ADCY9: variants seen among roughly 807,000 people sequenced by gnomAD.
ADCY9 encodes the protein adenylate cyclase 9, also known as adenylate cyclase type 9.
A neutral mutation model predicts 101.5 loss-of-function variants in ADCY9; 50 were observed. The observed-to-expected ratio is 0.49, with a 90% CI of 0.39 to 0.62. The LOEUF is 0.62. Among genes scored for constraint, ADCY9 ranks in the 20% least tolerant of loss-of-function variants. The pLI, the probability that ADCY9 is intolerant of heterozygous loss-of-function variation, is 0.00. For missense variants in ADCY9, 1,662 were observed against 1,800.4 expected (o/e 0.92, Z 1.39); for synonymous variants, 905 against 769.3 (o/e 1.18, Z -2.92).
intron 2 of ADCY9, among the ~76,000 whole-genome samples, chr16:4,097,124 A>G (rs2057008339): frequency 1.3e-5 from 2 of 151,894 alleles, no homozygotes; most frequent in Admixed American, 1.3e-4. Context: ...TCAACCCCAC[A>G]TTTCCTGGGC....
At chr16:4,090,677 T>C (rs1193539876) in intron 2 of ADCY9, among the ~76,000 whole-genome samples, 1 of 151,970 alleles carries the variant, frequency 6.6e-6, no homozygotes, top group Non-Finnish European at 1.5e-5. Context: ...GTGGATTCAT[T>C]TGAACAAGGA....
chr16:4,069,831 C>T (rs941681255), intron 2 of ADCY9, among the ~76,000 whole-genome samples: 6 of 152,154 alleles, frequency 3.9e-5, no homozygotes, highest in African/African-American at 1.2e-4. Flanking sequence ...CATGGTGGCT[C>T]ACACTTGTAA....
intron 2 of ADCY9, among the ~76,000 whole-genome samples, chr16:4,014,690 C>T (rs2056426210): frequency 1.3e-5 from 2 of 151,976 alleles, no homozygotes; most frequent in South Asian, 2.1e-4. Context: ...TCAAATGATC[C>T]GCCTGCCTCT....
intron 2 of ADCY9, among the ~76,000 whole-genome samples, chr16:4,013,195 C>T (rs2056414830): frequency 6.6e-6 from 1 of 151,744 alleles, no homozygotes. Flanking sequence ...CTGCAGTGAG[C>T]TGTGAGTGCG....
intron 6 of ADCY9, chr16:3,984,146 C>T (rs1231127252): frequency 6.6e-6 from 1 of 152,238 alleles, no homozygotes; most frequent in Non-Finnish European, 1.5e-5. Flanking sequence ...TTCTCATAGA[C>T]ACATTATATA....
At chr16:4,094,024 A>G (rs929900997) in intron 2 of ADCY9, among the ~76,000 whole-genome samples, 3 of 152,178 alleles carry the variant, frequency 2.0e-5, no homozygotes, top group Admixed American at 2.0e-4. Flanking sequence ...GGCAGAAGGG[A>G]CAAAGTTGAT....
intron 9 of ADCY9, among the ~76,000 whole-genome samples, chr16:3,975,795 C>G (rs1404287808): frequency 1.3e-5 from 2 of 152,014 alleles, no homozygotes; most frequent in Admixed American, 1.3e-4. Flanking sequence ...AGGAAAAGCC[C>G]AATATTTGGG....
At chr16:4,076,884 T>C (rs1243940781) in intron 2 of ADCY9, among the ~76,000 whole-genome samples, 4 of 151,920 alleles carry the variant, frequency 2.6e-5, no homozygotes, top group African/African-American at 7.3e-5. Context: ...CGAGACCAGC[T>C]TGGCCAACAT....
intron 2 of ADCY9, among the ~76,000 whole-genome samples, chr16:4,033,554 C>G (rs2056570432): frequency 6.6e-6 from 1 of 151,986 alleles, no homozygotes; most frequent in Non-Finnish European, 1.5e-5. Flanking sequence ...CTGCCTCAGC[C>G]TCCTGAGTAG....
At chr16:4,024,318 T>A (rs533312777) in intron 2 of ADCY9, among the ~76,000 whole-genome samples, 1 of 152,176 alleles carries the variant, frequency 6.6e-6, no homozygotes, top group Admixed American at 6.5e-5. Context: ...ACTGCACCCA[T>A]CCAATTTTTT....
intron 2 of ADCY9, among the ~76,000 whole-genome samples, chr16:4,092,486 T>C (rs1328016922): frequency 1.3e-5 from 2 of 152,252 alleles, no homozygotes; most frequent in East Asian, 3.8e-4. Context: ...TAACTAGTTA[T>C]AGAATTGTTC....
intron 2 of ADCY9, among the ~76,000 whole-genome samples, chr16:4,067,879 G>A (rs950942166): frequency 6.6e-6 from 1 of 152,096 alleles, no homozygotes; most frequent in Non-Finnish European, 1.5e-5. Flanking sequence ...GAATCTTTTT[G>A]TGGTGACTGA....
At chr16:4,008,178 T>C (rs1046883966) in intron 2 of ADCY9, among the ~76,000 whole-genome samples, 2 of 151,574 alleles carry the variant, frequency 1.3e-5, no homozygotes, top group African/African-American at 4.8e-5. Flanking sequence ...ACATGCATTT[T>C]ATTGTCTCAC....
intron 6 of ADCY9, among the ~76,000 whole-genome samples, chr16:3,987,263 C>A (rs575038758): frequency 6.6e-6 from 1 of 152,346 alleles, no homozygotes; most frequent in South Asian, 2.1e-4. Flanking sequence ...CCCATCAGGC[C>A]ACGTCTTTCC....
chr16:4,029,419 A>G (rs948980180), intron 2 of ADCY9, among the ~76,000 whole-genome samples: 3 of 152,192 alleles, frequency 2.0e-5, no homozygotes, highest in Non-Finnish European at 4.4e-5. Flanking sequence ...ATAACTGACA[A>G]AGGGCTGGTA....
intron 5 of ADCY9, among the ~76,000 whole-genome samples, chr16:3,956,657 A>T (rs1042710029): frequency 8.6e-5 from 12 of 139,670 alleles, no homozygotes; most frequent in Admixed American, 2.2e-4. Flanking sequence ...CACCTGGCTA[A>T]TTTTTTTTTT....
At chr16:4,003,086 A>C (rs2056341888) in intron 3 of ADCY9, among the ~76,000 whole-genome samples, 1 of 152,098 alleles carries the variant, frequency 6.6e-6, no homozygotes, top group African/African-American at 2.4e-5. Context: ...AGATCCACTC[A>C]TCACCCACAG....
chr16:4,114,408 G>C lies in ADCY9; in HGVS notation c.1035C>G (p.Asp345Glu). The C allele has an allele frequency of 6.2e-7, 1 of 1,614,134 alleles. No homozygotes were observed. The highest frequency in any genetic ancestry group is 8.5e-7 in the Non-Finnish European group (1 of 1,180,046). ...TCTCCTCATCTCCCTGCTTCATTAA[G>C]TCATCGGCTATGATTCTTGGCATCA... Reference protein sequence around the residue: ...HSVMPRIIADDLMKQGDEESE... With the variant: ...HSVMPRIIADELMKQGDEESE... Residue 345 changes from aspartate (D) to glutamate (E), a missense_variant, in exon 2 of 11, where the codon GAC becomes GAG. Transcript: ENST00000294016. The surrounding 1 kb of genome is among the most constrained non-coding windows in gnomAD (Gnocchi z 4.3).
At chr16:4,001,104 T>G (rs1230460919) in intron 3 of ADCY9, among the ~76,000 whole-genome samples, 1 of 152,034 alleles carries the variant, frequency 6.6e-6, no homozygotes, top group African/African-American at 2.4e-5. Context: ...ATACTCACCG[T>G]ACAGTTATCA....
Sources: allele counts gnomAD v4.1 joint callset (sites outside exome capture counted in the v4.1 genomes callset), GRCh38; gene constraint gnomAD v4.1.1; non-coding constraint Gnocchi (gnomAD v3.1); transcripts MANE v1.5; gene names NCBI Gene and HGNC (gene_info 2026-07-23, HGNC 2026-07-21).